The following SUCLG2 variants were observed in gnomAD, a reference collection of about 807,000 sequenced individuals.
SUCLG2 encodes succinate--CoA ligase [GDP-forming] subunit beta, mitochondrial.
In SUCLG2, 42 loss-of-function variants were observed where a neutral mutation model predicts 47.9. The observed-to-expected ratio is 0.88, with a 90% CI of 0.69 to 1.14. The LOEUF (loss-of-function observed/expected upper bound fraction) is 1.14, where lower values mean the gene tolerates loss of function less well. SUCLG2 is among the 50% of genes most tolerant of loss of function. The probability of loss-of-function intolerance (pLI) is 0.00; values close to 1 mark genes in which losing one functional copy is unlikely to be tolerated. For synonymous variants in SUCLG2, 195 were observed against 197.3 expected (o/e 0.99, Z 0.10); for missense variants, 571 against 525.9 (o/e 1.09, Z -0.84).
At chr3:67,382,045 T>G (rs2106770774) in intron 10 of SUCLG2, among the ~76,000 whole-genome samples, 1 of 152,326 alleles carries the variant, frequency 6.6e-6, no homozygotes, top group African/African-American at 2.4e-5. Context: ...CATTTTCCAG[T>G]CTGGAAATAT....
chr3:67,575,452 T>C (rs892814420), intron 2 of SUCLG2, among the ~76,000 whole-genome samples: 4 of 151,674 alleles, frequency 2.6e-5, no homozygotes, highest in Non-Finnish European at 5.9e-5. Flanking sequence ...TATGATTCCA[T>C]TTATATGCAA....
chr3:67,461,022 C>T (rs1704318428), intron 9 of SUCLG2, among the ~76,000 whole-genome samples: 1 of 152,112 alleles, frequency 6.6e-6, no homozygotes, highest in African/African-American at 2.4e-5. Context: ...GCCCAAGTGC[C>T]CAGTGTACTC....
At chr3:67,525,992 T>G (rs1706246501) in intron 4 of SUCLG2, among the ~76,000 whole-genome samples, 1 of 152,208 alleles carries the variant, frequency 6.6e-6, no homozygotes, top group African/African-American at 2.4e-5. Context: ...ATGCTGCTGT[T>G]ACAAAATACC....
At chr3:67,631,657 C>T (rs1044431932) in intron 1 of SUCLG2, among the ~76,000 whole-genome samples, 11 of 151,984 alleles carry the variant, frequency 7.2e-5, no homozygotes, top group Admixed American at 5.9e-4. Flanking sequence ...GTATTTACTA[C>T]GTGGTCATCT....
intron 6 of SUCLG2, among the ~76,000 whole-genome samples, chr3:67,516,641 A>G (rs139715727): frequency 2.3e-3 from 357 of 152,362 alleles, no homozygotes; most frequent in Non-Finnish European, 3.9e-3. Flanking sequence ...CTTGGGCAAT[A>G]AAAATAGATG....
At chr3:67,483,051 A>G (rs1164072804) in intron 9 of SUCLG2, among the ~76,000 whole-genome samples, 1 of 152,148 alleles carries the variant, frequency 6.6e-6, no homozygotes, top group Non-Finnish European at 1.5e-5. Context: ...GGGAATGCTA[A>G]TATGTGTGTT....
chr3:67,631,202 C>G (rs537989813), intron 1 of SUCLG2, among the ~76,000 whole-genome samples: 1 of 152,296 alleles, frequency 6.6e-6, no homozygotes, highest in South Asian at 2.1e-4. Flanking sequence ...TGATAAGGCT[C>G]TCTGACTCTC....
intron 9 of SUCLG2, among the ~76,000 whole-genome samples, chr3:67,437,668 T>C (rs2106902531): frequency 6.6e-6 from 1 of 152,280 alleles, no homozygotes. Flanking sequence ...GAAGAGGCTT[T>C]TATGATATGT....
chr3:67,574,779 A>G (rs1707700773), intron 2 of SUCLG2, among the ~76,000 whole-genome samples: 3 of 152,214 alleles, frequency 2.0e-5, no homozygotes, highest in Admixed American at 1.3e-4. Flanking sequence ...GACAAGCAAC[A>G]CACTGGGAAA....
intron 9 of SUCLG2, among the ~76,000 whole-genome samples, chr3:67,454,704 T>C (rs1704141444): frequency 6.6e-6 from 1 of 152,166 alleles, no homozygotes; most frequent in Admixed American, 6.5e-5. Context: ...GGCTCATGCC[T>C]GTAATCCCAA....
intron 2 of SUCLG2, among the ~76,000 whole-genome samples, chr3:67,537,147 A>G (rs763491567): frequency 3.9e-5 from 6 of 152,046 alleles, no homozygotes; most frequent in Non-Finnish European, 5.9e-5. Context: ...GCACCCATCA[A>G]CCAGTCATCT....
chr3:67,494,596 G>A (rs1264020136), intron 9 of SUCLG2, among the ~76,000 whole-genome samples: 1 of 152,024 alleles, frequency 6.6e-6, no homozygotes. Context: ...ACAGCACTCC[G>A]GTCTGGGTGA....
At chr3:67,546,592 G>T (rs28727288) in intron 2 of SUCLG2, among the ~76,000 whole-genome samples, 1 of 152,086 alleles carries the variant, frequency 6.6e-6, no homozygotes, top group South Asian at 2.1e-4. Flanking sequence ...AAAATTAGCC[G>T]GGCGTGGTAG....
intron 9 of SUCLG2, among the ~76,000 whole-genome samples, chr3:67,471,441 T>G (rs76178252): frequency 0.033 from 4,985 of 152,228 alleles, 139 homozygotes; most frequent in East Asian, 0.13. Flanking sequence ...CTTTTCAACT[T>G]CCATGACCCA....
At chr3:67,373,837 C>T (rs1265483851), downstream of SUCLG2, among the ~76,000 whole-genome samples, 2 of 152,134 alleles carry the variant, frequency 1.3e-5, no homozygotes, top group Non-Finnish European at 2.9e-5. Flanking sequence ...CATTATCCAC[C>T]TGTAAAAATG....
intron 1 of SUCLG2, among the ~76,000 whole-genome samples, chr3:67,652,533 T>A (rs1701305997): frequency 6.6e-6 from 1 of 152,196 alleles, no homozygotes; most frequent in African/African-American, 2.4e-5. Context: ...CCCAAGAATT[T>A]GAAAATAGCA....
At chr3:67,372,246 C>T (rs920374038), downstream of SUCLG2, among the ~76,000 whole-genome samples, 1 of 152,138 alleles carries the variant, frequency 6.6e-6, no homozygotes, top group Non-Finnish European at 1.5e-5. Flanking sequence ...TAGAATTAAA[C>T]AAGAATCCAA....
At chr3:67,633,676 T>C (rs557447153) in intron 1 of SUCLG2, among the ~76,000 whole-genome samples, 3 of 152,314 alleles carry the variant, frequency 2.0e-5, no homozygotes, top group African/African-American at 7.2e-5. Flanking sequence ...TAAGTTTACC[T>C]GGCAATAATA....
chr3:67,609,493 T>A lies in SUCLG2; in HGVS notation c.188A>T (p.Asp63Val). ...AGCCTCGAGAGCTTCATTTGCAGTG[T>A]CTGCTACAAAGAATCTTTGAACTCT... Reference protein sequence around the residue: ...GVRVQRFFVADTANEALEAAK... With the variant: ...GVRVQRFFVAVTANEALEAAK... The change falls in exon 2 of 11, where the codon GAC becomes GTC. Residue 63 changes from aspartate (D) to valine (V), a missense_variant. Physicochemically the swap from Asp to Val is radical, Grantham distance 152. Transcript: ENST00000307227. 2 of 1,613,458 alleles carry A rather than the reference T, an allele frequency of 1.2e-6. No individual in the cohort carries two copies. Among genetic ancestry groups the A allele is most frequent in the Non-Finnish European group, 1.7e-6 (2 of 1,179,898 alleles).
Sources: allele counts gnomAD v4.1 joint callset (sites outside exome capture counted in the v4.1 genomes callset), GRCh38; gene constraint gnomAD v4.1.1; transcripts MANE v1.5; gene names NCBI Gene and HGNC (gene_info 2026-07-23, HGNC 2026-07-21).